KALRN: variants seen among roughly 807,000 people sequenced by gnomAD.
The protein encoded by KALRN is kalirin RhoGEF kinase, also known as kalirin.
A neutral mutation model predicts 353.7 loss-of-function variants in KALRN; 70 were observed. The ratio of observed to expected loss-of-function variants is 0.20; its 90% CI spans 0.16 to 0.24. KALRN has a LOEUF of 0.24. Ranked by LOEUF, KALRN falls within the 10% of genes least tolerant of loss-of-function variation. The pLI, the probability that KALRN is intolerant of heterozygous loss-of-function variation, is 1.00. For missense variants in KALRN, 2,791 were observed against 3,756.7 expected (o/e 0.74, Z 6.72); for synonymous variants, 1,391 against 1,434.8 (o/e 0.97, Z 0.69).
Position 124,252,949 on chromosome 3 carries a change from G to A in KALRN, c.264-11549G>A, listed in dbSNP as rs538080142. On this transcript the variant is annotated intron_variant, in intron 3 of 59. Transcript: ENST00000682506. ...CATTCAAAACCCATTCCTAGAGAGC[G>A]GCTCATTCTCTGTAAGACACTGTCT... Among the ~76,000 whole-genome samples the A allele has an allele frequency of 5.3e-5, 8 of 152,262 alleles. 1 individual carries two copies. The South Asian group carries it at 8.3e-4, about 16-fold the overall frequency.
In KALRN at chr3:124,056,229, A is replaced by G. The variant is rs2041525872; in HGVS notation, c.73+22416A>G. Reference sequence around the variant, plus strand: ...TTTACAGGATTGCTCAGCTTTTGAAAGGAAATTTGTTTGTGTTTATTTTTT... The same window carrying G: ...TTTACAGGATTGCTCAGCTTTTGAAGGGAAATTTGTTTGTGTTTATTTTTT... On this transcript the variant is annotated intron_variant, in intron 1 of 59. Transcript: ENST00000682506. Among the ~76,000 whole-genome samples, 3 of 152,294 alleles carry G rather than the reference A, an allele frequency of 2.0e-5. No homozygotes were observed. In the South Asian group the frequency reaches 6.2e-4, roughly 32 times the overall value.
chr3:124,265,984 G>A (rs990556608), intron 4 of KALRN, among the ~76,000 whole-genome samples: 12 of 152,008 alleles, frequency 7.9e-5, no homozygotes, highest in Non-Finnish European at 1.5e-4. Context: ...GCGTGGTGGC[G>A]TGTGCCTGTA....
At chr3:124,227,495 CAAG>C (rs2078655847) in intron 1 of KALRN, among the ~76,000 whole-genome samples, 1 of 152,164 alleles carries the variant, frequency 6.6e-6, no homozygotes, top group African/African-American at 2.4e-5. Flanking sequence ...AGAGGAAAGG[CAAG>C]AAGGATTCTT....
chr3:124,261,037 T>A (rs1289781714), intron 3 of KALRN, among the ~76,000 whole-genome samples: 4 of 140,064 alleles, frequency 2.9e-5, no homozygotes, highest in African/African-American at 1.1e-4. Flanking sequence ...TAACCTGAGC[T>A]TGGGTTTTCT....
chr3:124,632,104 T>C (rs552894742), intron 34 of KALRN, among the ~76,000 whole-genome samples: 2 of 152,336 alleles, frequency 1.3e-5, no homozygotes, highest in Non-Finnish European at 2.9e-5. Context: ...TGTCATACTT[T>C]TCATTTTGCT....
At chr3:124,034,551 C>T (rs2039229477) in intron 1 of KALRN, among the ~76,000 whole-genome samples, 1 of 151,760 alleles carries the variant, frequency 6.6e-6, no homozygotes, top group Non-Finnish European at 1.5e-5. Context: ...GGTGTAGAGC[C>T]CTGAGATGTC....
chr3:124,625,262 A>G (rs661837), intron 34 of KALRN, among the ~76,000 whole-genome samples: 32,418 of 151,910 alleles, frequency 0.21, 5,032 homozygotes, highest in African/African-American at 0.44. Flanking sequence ...GTGGAGCCAG[A>G]CAGTTCCACC....
At chr3:124,347,982 G>A (rs1247815199) in intron 10 of KALRN, among the ~76,000 whole-genome samples, 1 of 152,140 alleles carries the variant, frequency 6.6e-6, no homozygotes, top group Non-Finnish European at 1.5e-5. Context: ...GTTTTAAAGT[G>A]TTTTTGTTCA....
intron 1 of KALRN, among the ~76,000 whole-genome samples, chr3:124,192,826 C>G (rs1313005099): frequency 1.3e-5 from 2 of 152,170 alleles, no homozygotes; most frequent in Non-Finnish European, 2.9e-5. Context: ...TAATCTTGGA[C>G]TTCTAGTTTC....
chr3:124,366,135 G>A (rs1277174614), intron 10 of KALRN, among the ~76,000 whole-genome samples: 2 of 152,014 alleles, frequency 1.3e-5, no homozygotes, highest in Non-Finnish European at 2.9e-5. Context: ...TGTGAAAGGT[G>A]TAATGTCTGA....
At chr3:124,564,333 T>C (rs2072514490) in intron 34 of KALRN, among the ~76,000 whole-genome samples, 1 of 151,962 alleles carries the variant, frequency 6.6e-6, no homozygotes, top group Non-Finnish European at 1.5e-5. Flanking sequence ...CAGTGAGCTA[T>C]GATTGCATCG....
intron 5 of KALRN, among the ~76,000 whole-genome samples, chr3:124,283,644 T>C (rs1436874203): frequency 6.6e-6 from 1 of 152,148 alleles, no homozygotes; most frequent in Non-Finnish European, 1.5e-5. Flanking sequence ...AGGCTGGAAA[T>C]AAAATGCAAA....
intron 1 of KALRN, among the ~76,000 whole-genome samples, chr3:124,110,692 G>A (rs2149500625): frequency 6.6e-6 from 1 of 152,264 alleles, no homozygotes; most frequent in Middle Eastern, 3.4e-3. Context: ...CACCAGTCCA[G>A]TTCTACCTTA....
chr3:124,682,293 C>CCT (rs2061376677), intron 51 of KALRN, among the ~76,000 whole-genome samples: 2 of 152,188 alleles, frequency 1.3e-5, no homozygotes, highest in South Asian at 4.1e-4. Flanking sequence ...TGGCCCCCAA[C>CCT]CTCACCCTTG....
At chr3:124,461,412 A>G (rs1034170828) in intron 23 of KALRN, among the ~76,000 whole-genome samples, 1 of 151,966 alleles carries the variant, frequency 6.6e-6, no homozygotes, top group Non-Finnish European at 1.5e-5. Context: ...CTGGCTTTGA[A>G]ACCTGGTTTA....
chr3:124,624,220 T>A (rs62265570), intron 34 of KALRN, among the ~76,000 whole-genome samples: 27,717 of 152,212 alleles, frequency 0.18, 2,678 homozygotes, highest in Middle Eastern at 0.27. Flanking sequence ...GCTGCCTCAG[T>A]TATCGGATCA....
chr3:124,442,018 G>C lies in KALRN; in HGVS notation c.3272G>C (p.Ser1091Thr), dbSNP rs1471080700. The part of the protein sequence containing the change: ...YIHRNNVSMP[S>T]VASHTRGPEQ... ...CACAGGAACAACGTCAGCATGCCCAGTGTCGCCAGCCACACTCGGGGACCC... is the reference window on the plus strand; with the variant it reads ...CACAGGAACAACGTCAGCATGCCCACTGTCGCCAGCCACACTCGGGGACCC... The change falls in exon 19 of 60, where the codon AGT becomes ACT. Residue 1091 changes from serine (S) to threonine (T), a missense_variant. Ser to Thr is a moderately conservative substitution (Grantham distance 58). Around this residue, in one of 11 missense-constraint regions of KALRN, gnomAD observed 268 missense variants for 347.0 expected, o/e 0.77. Coordinates refer to ENST00000682506, the MANE Select transcript of KALRN (RefSeq NM_001388419.1). 5 of 1,606,874 alleles carry C rather than the reference G, an allele frequency of 3.1e-6. No individual in the cohort carries two copies. In the African/African-American group the frequency reaches 6.7e-5, roughly 22 times the overall value.
intron 48 of KALRN, among the ~76,000 whole-genome samples, 192 bp downstream of exon 48, chr3:124,672,090 C>T (rs2086535761): frequency 6.6e-6 from 1 of 152,160 alleles, no homozygotes; most frequent in African/African-American, 2.4e-5. Context: ...GCTGGGACTA[C>T]AGGCGCCCTA....
chr3:124,649,657 G>A lies in KALRN; in HGVS notation c.5665-1151G>A, dbSNP rs562933632. On this transcript the variant is annotated intron_variant, in intron 37 of 59. Transcript: ENST00000682506. Reference sequence around the variant, plus strand: ...ACAAAAAAGATTAGCTGGATATGGTGGTGCATGACTGTCCCAGTTATTTGG... The same window carrying A: ...ACAAAAAAGATTAGCTGGATATGGTAGTGCATGACTGTCCCAGTTATTTGG... Among the ~76,000 whole-genome samples, 20 of 151,166 alleles carry A rather than the reference G, an allele frequency of 1.3e-4. No homozygotes were observed. In the East Asian group the frequency reaches 3.3e-3, roughly 25 times the overall value.
Sources: gnomAD v4.1 joint callset for allele counts (sites outside exome capture counted in the v4.1 genomes callset) on GRCh38, gnomAD v4.1.1 for gene constraint, gnomAD v4.1.1 regional missense constraint, MANE v1.5 for transcripts, NCBI Gene and HGNC (gene_info 2026-07-23, HGNC 2026-07-21) for gene names.